STPG2: variants seen among roughly 807,000 people sequenced by gnomAD.
The protein encoded by STPG2 is sperm tail PG-rich repeat containing 2, also known as sperm-tail PG-rich repeat-containing protein 2.
In STPG2, 56 loss-of-function variants were observed where a neutral mutation model predicts 54.2. The ratio of observed to expected loss-of-function variants is 1.03; its 90% CI spans 0.83 to 1.29. The LOEUF (loss-of-function observed/expected upper bound fraction) is 1.29. STPG2 is among the 50% of genes most tolerant of loss of function. The pLI, the probability that STPG2 is intolerant of heterozygous loss-of-function variation, is 0.00. For missense variants in STPG2, 596 were observed against 544.9 expected, an observed-to-expected ratio of 1.09 and a Z score of -0.93; for synonymous variants, 200 against 181.8, an observed-to-expected ratio of 1.10 and a Z score of -0.81.
intron 10 of STPG2, among the ~76,000 whole-genome samples, chr4:97,684,049 A>G (rs1723113798): frequency 6.6e-6 from 1 of 151,890 alleles, no homozygotes; most frequent in African/African-American, 2.4e-5. Context: ...AAACTTGACA[A>G]AATAGGTACA....
intron 8 of STPG2, among the ~76,000 whole-genome samples, chr4:97,891,164 C>T (rs781592489): frequency 7.9e-5 from 12 of 151,920 alleles, no homozygotes; most frequent in Non-Finnish European, 1.5e-4. Flanking sequence ...CATTACTTTG[C>T]TAGAGTAACT....
At chr4:97,906,751 G>A (rs368666497) in intron 8 of STPG2, among the ~76,000 whole-genome samples, 8 of 151,856 alleles carry the variant, frequency 5.3e-5, no homozygotes, top group South Asian at 4.2e-4. Context: ...TATAAACAGA[G>A]CCAAAGACAA....
chr4:97,841,884 C>T (rs1728811563), intron 8 of STPG2, among the ~76,000 whole-genome samples: 1 of 151,702 alleles, frequency 6.6e-6, no homozygotes, highest in Non-Finnish European at 1.5e-5. Context: ...AAGTACTTAG[C>T]TTGGTACCTG....
At chr4:97,581,688 T>C (rs774961959) in intron 10 of STPG2, among the ~76,000 whole-genome samples, 8 of 152,092 alleles carry the variant, frequency 5.3e-5, no homozygotes, top group Non-Finnish European at 1.0e-4. Flanking sequence ...AATATTATGG[T>C]CAAACACAAA....
At chr4:97,856,155 T>A (rs992140136) in intron 8 of STPG2, among the ~76,000 whole-genome samples, 3 of 152,172 alleles carry the variant, frequency 2.0e-5, no homozygotes, top group African/African-American at 7.2e-5. Flanking sequence ...TTTGACCTCT[T>A]TTTTGGTTCC....
At chr4:98,127,147 C>T (rs900529709) in intron 3 of STPG2, among the ~76,000 whole-genome samples, 1 of 151,660 alleles carries the variant, frequency 6.6e-6, no homozygotes, top group Non-Finnish European at 1.5e-5. Flanking sequence ...TTTATTGTGG[C>T]AAAGGGAGAG....
chr4:98,034,178 G>GAC (rs1736694867), intron 5 of STPG2, among the ~76,000 whole-genome samples: 1 of 152,158 alleles, frequency 6.6e-6, no homozygotes, highest in Non-Finnish European at 1.5e-5. Flanking sequence ...GTTTGCAGAT[G>GAC]ACATGATTGT....
At chr4:97,539,498 G>A (rs532700635) in intron 4 of STPG2, among the ~76,000 whole-genome samples, 20 of 152,172 alleles carry the variant, frequency 1.3e-4, no homozygotes, top group Non-Finnish European at 2.4e-4. Flanking sequence ...TCTAACTATC[G>A]TAAATATTTA....
At chr4:97,920,411 A>G (rs1732053905) in intron 8 of STPG2, among the ~76,000 whole-genome samples, 1 of 152,176 alleles carries the variant, frequency 6.6e-6, no homozygotes, top group African/African-American at 2.4e-5. Context: ...GCCAACTAGT[A>G]TTTTATGCTA....
chr4:97,694,812 CAAAAAAAAAAAAAAAAAAAAAAAAA>C lies in STPG2; in HGVS notation c.1320+17862_1320+17886del, dbSNP rs70953083. Among the ~76,000 whole-genome samples, 14 of 44,034 alleles carry C rather than the reference CAAAAAAAAAAAAAAAAAAAAAAAAA, an allele frequency of 3.2e-4. 2 individuals carry two copies. The highest frequency in any genetic ancestry group is 4.7e-4 in the Non-Finnish European group (11 of 23,456). 28.9% of individuals were successfully genotyped at this position (44,034 alleles called of 152,430 possible). ...TGGGTTACAGAGCAAGACTCTGTCA[CAAAAAAAAAAAAAAAAAAAAAAAAA>C]AAAAAAAAAAAAAATTAGCAACAAA... On this transcript the variant is annotated intron_variant, in intron 10 of 10. Coordinates refer to ENST00000295268, the MANE Select transcript of STPG2 (RefSeq NM_174952.3).
intron 10 of STPG2, among the ~76,000 whole-genome samples, chr4:97,567,186 T>C (rs1007645595): frequency 6.8e-6 from 1 of 147,112 alleles, no homozygotes; most frequent in Admixed American, 6.8e-5. Flanking sequence ...TAGTCATAGC[T>C]GTAACACACA....
At chr4:97,539,881 G>C (rs544518421) in intron 4 of STPG2, among the ~76,000 whole-genome samples, 2 of 152,186 alleles carry the variant, frequency 1.3e-5, no homozygotes, top group South Asian at 4.1e-4. Flanking sequence ...ATGACTACTG[G>C]GTACATAACG....
intron 4 of STPG2, chr4:97,463,427 G>A (rs181456098): frequency 8.4e-4 from 128 of 152,086 alleles, no homozygotes; most frequent in African/African-American, 3.0e-3. Flanking sequence ...CCACTTTCTT[G>A]TATTGTGTTT....
chr4:97,526,606 T>A (rs753264608), intron 4 of STPG2, among the ~76,000 whole-genome samples: 7 of 152,124 alleles, frequency 4.6e-5, no homozygotes, highest in Admixed American at 6.6e-5. Flanking sequence ...TGCAAAAATT[T>A]TCTCCCATTC....
At chr4:97,880,854 TACCAGTTCA>T (rs1404786703) in intron 8 of STPG2, among the ~76,000 whole-genome samples, 1 of 152,144 alleles carries the variant, frequency 6.6e-6, no homozygotes, top group Non-Finnish European at 1.5e-5. Flanking sequence ...AGACTTCCAA[TACCAGTTCA>T]GAAGGATGCT....
intron 3 of STPG2, among the ~76,000 whole-genome samples, chr4:98,110,380 G>T (rs1407765112): frequency 6.6e-6 from 1 of 152,124 alleles, no homozygotes; most frequent in Non-Finnish European, 1.5e-5. Flanking sequence ...AGGCAAAATG[G>T]CCGTGTTTAA....
At chr4:97,516,326 A>C (rs1046183188) in intron 4 of STPG2, among the ~76,000 whole-genome samples, 27 of 152,150 alleles carry the variant, frequency 1.8e-4, no homozygotes, top group Admixed American at 1.3e-4. Context: ...GTAACCTAGG[A>C]AACAGACTCA....
chr4:97,719,773 CTT>C (rs1246576466), intron 9 of STPG2, among the ~76,000 whole-genome samples: 1 of 152,028 alleles, frequency 6.6e-6, no homozygotes, highest in East Asian at 1.9e-4. Context: ...ACTTCTGTGA[CTT>C]TAAGCATTTT....
intron 4 of STPG2, among the ~76,000 whole-genome samples, chr4:97,513,180 A>C (rs1338454125): frequency 6.6e-6 from 1 of 152,114 alleles, no homozygotes; most frequent in Non-Finnish European, 1.5e-5. Context: ...TACGAAGGAT[A>C]AATTGCCAGA....
Sources: gnomAD v4.1 joint callset for allele counts (sites outside exome capture counted in the v4.1 genomes callset) on GRCh38, gnomAD v4.1.1 for gene constraint, MANE v1.5 for transcripts, NCBI Gene and HGNC (gene_info 2026-07-23, HGNC 2026-07-21) for gene names.